The following DHFR2 variants were observed in gnomAD, a reference collection of about 807,000 sequenced individuals.
DHFR2 encodes the protein dihydrofolate reductase 2, mitochondrial.
Under a neutral mutation model 12.0 loss-of-function variants are expected in DHFR2, and 11 were observed. That is an observed-to-expected ratio of 0.92 (90% CI 0.58 to 1.52). The LOEUF is 1.52. Among genes scored for constraint, DHFR2 ranks in the 40% most tolerant of loss-of-function variants. The probability of loss-of-function intolerance (pLI) is 0.00; values close to 1 mark genes in which losing one functional copy is unlikely to be tolerated. For missense variants in DHFR2, 188 were observed against 221.2 expected, an observed-to-expected ratio of 0.85 and a Z score of 0.95; for synonymous variants, 87 against 79.6, an observed-to-expected ratio of 1.09 and a Z score of -0.49.
rs1320730426 is a variant in DHFR2 at position 94,060,372 on chromosome 3, T to A, written c.*576A>T. The stretch of plus-strand genomic sequence containing the variant: ...CTTCTCAGTTCCATTTCTCCATACT[T>A]CGATTGATGACTTCTGGTATGACCT... On this transcript the variant is annotated 3_prime_UTR_variant, in exon 2 of 2. Coordinates refer to ENST00000314636, the MANE Select transcript of DHFR2 (RefSeq NM_176815.5). The A allele has an allele frequency of 6.5e-6, 1 of 153,704 alleles. No individual in the cohort carries two copies. The highest frequency in any genetic ancestry group is 1.9e-4 in the East Asian group (1 of 5,248). 9.5% of individuals were successfully genotyped at this position (153,704 alleles called of 1,614,324 possible). A position where few individuals can be genotyped will look rare whatever the true frequency, so the allele number is the denominator to read the frequency against.
rs1363317986 is a variant in DHFR2, at chr3:94,062,879, T to C, written c.-229A>G. The C allele has an allele frequency of 1.2e-5, 6 of 511,196 alleles. No individual in the cohort carries two copies. Among genetic ancestry groups the C allele is most frequent in the Non-Finnish European group, 1.8e-5 (5 of 282,426 alleles). 31.7% of individuals were successfully genotyped at this position (511,196 alleles called of 1,614,324 possible). A position where few individuals can be genotyped will look rare whatever the true frequency, so the allele number is the denominator to read the frequency against. ...GCCCTGGCCCGTTACCTCCGCGTCC[T>C]GGGAAGTATCAGCCTTTACCAGCTA... On this transcript the variant is annotated 5_prime_UTR_variant, in exon 1 of 2. Coordinates refer to ENST00000314636, the MANE Select transcript of DHFR2 (RefSeq NM_176815.5).
rs2077160893 is a variant in DHFR2, at chr3:94,059,431, C to T, written c.*1517G>A. 1 of 152,244 alleles carries T rather than the reference C, an allele frequency of 6.6e-6. No homozygotes were observed. Among genetic ancestry groups the T allele is most frequent in the African/African-American group, 2.4e-5 (1 of 41,420 alleles). The allele number at this position is 152,244 out of a possible 1,614,324, so 9.4% of individuals were successfully genotyped here. On this transcript the variant is annotated 3_prime_UTR_variant, in exon 2 of 2. Coordinates refer to ENST00000314636, the MANE Select transcript of DHFR2 (RefSeq NM_176815.5). Reference sequence around the variant, plus strand: ...GCTCCACCATGTTGCCCAAGCTGGTCTCAGGTGATCCACCCACCTCAGCCC... The same window carrying T: ...GCTCCACCATGTTGCCCAAGCTGGTTTCAGGTGATCCACCCACCTCAGCCC...
Position 94,057,948 on chromosome 3 carries a change from A to G in DHFR2, c.*3000T>C, listed in dbSNP as rs1397992039. 6.6e-6 allele frequency: 1 copy of G among 152,174 alleles called. No homozygotes were observed. The highest frequency in any genetic ancestry group is 2.4e-5 in the African/African-American group (1 of 41,464). The allele number at this position is 152,174 out of a possible 1,614,324, so 9.4% of individuals were successfully genotyped here. ...TCATAAGCAAAGTTGTTTATTTAAA[A>G]TCAGAAAATATAAAGATGCTGAGTC... On this transcript the variant is annotated 3_prime_UTR_variant, in exon 2 of 2. Coordinates refer to ENST00000314636, the MANE Select transcript of DHFR2 (RefSeq NM_176815.5).
upstream of DHFR2, chr3:94,063,235 A>G (rs1313289864): frequency 8.3e-6 from 10 of 1,208,304 alleles, no homozygotes; most frequent in Non-Finnish European, 1.1e-5. Flanking sequence ...GGGGAACATC[A>G]CCTTTGTTCG....
chr3:94,063,104 G>T, upstream of DHFR2: 2 of 1,614,108 alleles, frequency 1.2e-6, no homozygotes, highest in Non-Finnish European at 8.5e-7. Flanking sequence ...TACACCTGTT[G>T]TTTGAAAGCT....
chr3:94,062,141 G>C (rs1338278968), intron 1 of DHFR2, among the ~76,000 whole-genome samples: 1 of 152,124 alleles, frequency 6.6e-6, no homozygotes, highest in East Asian at 1.9e-4. Flanking sequence ...ACTTCTATTC[G>C]TGTCAAAATA....
chr3:94,062,062 G>T (rs1457798293), intron 1 of DHFR2, among the ~76,000 whole-genome samples: 2 of 152,138 alleles, frequency 1.3e-5, no homozygotes, highest in Non-Finnish European at 2.9e-5. Context: ...TATCAAACCG[G>T]TTTTTTCTAA....
chr3:94,063,170 T>C (rs749724895), upstream of DHFR2: 36 of 1,612,922 alleles, frequency 2.2e-5, no homozygotes, highest in Non-Finnish European at 2.9e-5. Context: ...GGTACCTCTA[T>C]CTGAATGAGA....
chr3:94,061,474 TG>T lies in DHFR2; in HGVS notation c.37del (p.Gln13LysfsTer26), dbSNP rs1404283114. ...LLLNCIVAVS[Q>X]NMGIGKNGDL... ...CCCGTTCTTGCCGATGCCCATGTTTTGGGACACAGCGACGATGCAGTTTAGC... is the reference window on the plus strand; with the variant it reads ...CCCGTTCTTGCCGATGCCCATGTTTTGGACACAGCGACGATGCAGTTTAGC... On this transcript the variant is annotated frameshift_variant, in exon 2 of 2. Coordinates refer to ENST00000314636, the MANE Select transcript of DHFR2 (RefSeq NM_176815.5). LOFTEE classifies it high-confidence loss of function. The T allele has an allele frequency of 6.2e-7, 1 of 1,614,142 alleles. No individual in the cohort carries two copies. Among genetic ancestry groups the T allele is most frequent in the Non-Finnish European group, 8.5e-7 (1 of 1,180,034 alleles).
rs988809301 is a variant in DHFR2, at chr3:94,058,186, C to G, written c.*2762G>C. The G allele has an allele frequency of 1.8e-4, 28 of 152,228 alleles. No individual in the cohort carries two copies. Among genetic ancestry groups the G allele is most frequent in the African/African-American group, 6.3e-4 (26 of 41,542 alleles). 9.4% of individuals were successfully genotyped at this position (152,228 alleles called of 1,614,324 possible). Reference sequence around the variant, plus strand: ...GGCTCCAAAAGTCTTACAATGAAAACAGTCCTGCGACTTGTTCTTTCCAGA... The same window carrying G: ...GGCTCCAAAAGTCTTACAATGAAAAGAGTCCTGCGACTTGTTCTTTCCAGA... On this transcript the variant is annotated 3_prime_UTR_variant, in exon 2 of 2. Transcript: ENST00000314636.
In DHFR2 at chr3:94,061,354, A is replaced by G; in HGVS notation, c.158T>C (p.Met53Thr). The G allele has an allele frequency of 6.2e-7, 1 of 1,614,186 alleles. No homozygotes were observed. The highest frequency in any genetic ancestry group is 2.2e-5 in the East Asian group (1 of 44,880). Residue 53 changes from methionine to threonine, a missense_variant, in exon 2 of 2, where the codon ATG becomes ACG. By Grantham distance (81) the Met-to-Thr change is moderately conservative. Transcript: ENST00000314636. ...SVEGKQNLVI[M>T]GRKTWFSIPE... ...AATGGAGAACCAGGTCTTCCTACCC[A>G]TAATCACCAGATTCTGTTTACCCTC...
Position 94,061,145 on chromosome 3 carries a change from T to G in DHFR2, c.367A>C (p.Lys123Gln), listed in dbSNP as rs1484784018. ...IWIVGGSSVY[K>Q]EAMNHLGHLK... ...TGGCCTAGGTGATTCATGGCTTCCT[T>G]ATAAACAGAACTGCCACCAACTATC... Residue 123 changes from lysine (K) to glutamine (Q), a missense_variant, in exon 2 of 2, where the codon AAG becomes CAG. Lys to Gln is a moderately conservative substitution (Grantham distance 53). Coordinates refer to ENST00000314636, the MANE Select transcript of DHFR2 (RefSeq NM_176815.5). The G allele has an allele frequency of 6.2e-7, 1 of 1,613,788 alleles. No homozygotes were observed. Among genetic ancestry groups the G allele is most frequent in the Non-Finnish European group, 8.5e-7 (1 of 1,179,834 alleles).
At chr3:94,063,245 G>A, upstream of DHFR2, 2 of 1,102,742 alleles carry the variant, frequency 1.8e-6, no homozygotes, top group South Asian at 1.2e-5. Flanking sequence ...ACCTTTGTTC[G>A]TCCCCTCGCG....
chr3:94,060,775 G>T lies in DHFR2; in HGVS notation c.*173C>A. 1.3e-6 allele frequency: 1 copy of T among 763,616 alleles called. No homozygotes were observed. The highest frequency in any genetic ancestry group is 2.1e-6 in the Non-Finnish European group (1 of 486,130). The allele number at this position is 763,616 out of a possible 1,614,324, so 47.3% of individuals were successfully genotyped here. ...GGTCTTGGAGAGACAGTTATAGCAA[G>T]AATGTTTCATAAATGGTATCTGATA... On this transcript the variant is annotated 3_prime_UTR_variant, in exon 2 of 2. Transcript: ENST00000314636.
upstream of DHFR2, chr3:94,063,187 T>C: frequency 6.2e-7 from 1 of 1,607,202 alleles, no homozygotes; most frequent in Non-Finnish European, 8.5e-7. Context: ...GAGACGCTTC[T>C]GGACGCGGCC....
Position 94,061,368 on chromosome 3 carries a change from C to A in DHFR2, c.144G>T (p.Gln48His), listed in dbSNP as rs749752316. The A allele has an allele frequency of 5.0e-6, 8 of 1,614,068 alleles. No individual in the cohort carries two copies. The highest frequency in any genetic ancestry group is 6.8e-6 in the Non-Finnish European group (8 of 1,180,044). Residue 48 changes from glutamine to histidine, a missense_variant, in exon 2 of 2, where the codon CAG (glutamine) becomes CAT (histidine). By Grantham distance (24) the Gln-to-His change is conservative. Transcript: ENST00000314636. ...MTTTSSVEGK[Q>H]NLVIMGRKTW... is the part of the protein sequence containing the mutation. Reference sequence around the variant, plus strand: ...TCTTCCTACCCATAATCACCAGATTCTGTTTACCCTCTACTGAAGAAGTTG... The same window carrying A: ...TCTTCCTACCCATAATCACCAGATTATGTTTACCCTCTACTGAAGAAGTTG...
At chr3:94,063,146 C>G (rs777740002), upstream of DHFR2, 6 of 1,613,952 alleles carry the variant, frequency 3.7e-6, no homozygotes, top group South Asian at 2.2e-5. Flanking sequence ...CAGGTGAGAC[C>G]TGGGGCCCGG....
intron 1 of DHFR2, among the ~76,000 whole-genome samples, chr3:94,062,453 T>C (rs879843886): frequency 1.3e-5 from 2 of 152,198 alleles, no homozygotes; most frequent in African/African-American, 2.4e-5. Context: ...TTCATTATAT[T>C]CCACCCTTTT....
chr3:94,062,425 G>A (rs561458839), intron 1 of DHFR2, among the ~76,000 whole-genome samples: 1 of 152,308 alleles, frequency 6.6e-6, no homozygotes, highest in East Asian at 1.9e-4. Flanking sequence ...CTGGGGAAAA[G>A]CATGACTTAA....
Sources: allele counts gnomAD v4.1 joint callset (sites outside exome capture counted in the v4.1 genomes callset), GRCh38; gene constraint gnomAD v4.1.1; transcripts MANE v1.5; gene names NCBI Gene and HGNC (gene_info 2026-07-23, HGNC 2026-07-21).